SYNE2: variants seen among roughly 807,000 people sequenced by gnomAD.
SYNE2 encodes spectrin repeat containing nuclear envelope protein 2.
In SYNE2, 431 loss-of-function variants were observed where a neutral mutation model predicts 856.3. The ratio of observed to expected loss-of-function variants is 0.50; its 90% CI spans 0.47 to 0.55. The LOEUF (loss-of-function observed/expected upper bound fraction) is 0.55, where lower values mean the gene tolerates loss of function less well. Ranked by LOEUF, SYNE2 falls within the 20% of genes least tolerant of loss-of-function variation. The pLI is 0.00. For synonymous variants in SYNE2, 2,923 were observed against 2,872.3 expected (o/e 1.02, Z -0.56); for missense variants, 8,129 against 8,023.2 (o/e 1.01, Z -0.50).
At chr14:63,848,112 C>T (rs1890292741), upstream of SYNE2, 1 of 152,202 alleles carries the variant, frequency 6.6e-6, no homozygotes, top group Non-Finnish European at 1.5e-5. Flanking sequence ...GTCTCGAACT[C>T]CTCACCTCAG....
At chr14:64,149,311 CAGAA>C (rs1163372261) in intron 84 of SYNE2, among the ~76,000 whole-genome samples, 3 of 151,898 alleles carry the variant, frequency 2.0e-5, no homozygotes, top group South Asian at 2.1e-4. Flanking sequence ...AAAAACAAAA[CAGAA>C]AGAAAAAAAG....
intron 1 of SYNE2, among the ~76,000 whole-genome samples, chr14:63,779,363 C>T (rs1227411931): frequency 4.5e-5 from 5 of 110,296 alleles, no homozygotes; most frequent in Non-Finnish European, 1.0e-4. Context: ...TAAATAAAAT[C>T]AGTAATCTAA....
chr14:63,912,932 G>A (rs1444766246), intron 2 of SYNE2, among the ~76,000 whole-genome samples: 1 of 151,990 alleles, frequency 6.6e-6, no homozygotes, highest in Admixed American at 6.6e-5. Flanking sequence ...CAATTTGAGG[G>A]TACCCTCCCT....
rs1324941313 is a variant in SYNE2 at position 64,186,650 on chromosome 14, A to G, written c.17712+71A>G. ...AATGTCTCTGAAGGCCAGACAAAGT[A>G]GAAAGGAGCTTAATTTCATTGAACC... On this transcript the variant is annotated intron_variant, in intron 97 of 115. Transcript: ENST00000555002. The G allele has an allele frequency of 2.5e-6, 4 of 1,602,924 alleles. No homozygotes were observed. In the African/African-American group the frequency reaches 4.0e-5, roughly 16 times the overall value.
chr14:64,169,051 A>C (rs2098397670), intron 93 of SYNE2, 80 bp downstream of exon 93: 1 of 1,109,442 alleles, frequency 9.0e-7, no homozygotes, highest in South Asian at 1.3e-5. Flanking sequence ...CCACCATGTG[A>C]ACCTTGACCA....
At chr14:64,154,792 CAAA>C (rs34020154) in intron 85 of SYNE2, among the ~76,000 whole-genome samples, 15 of 91,070 alleles carry the variant, frequency 1.6e-4, no homozygotes, top group South Asian at 3.9e-4. Context: ...GACCCTGTCT[CAAA>C]AAAAAAAAAA....
intron 22 of SYNE2, 82 bp from the exon 23 acceptor site, chr14:63,994,962 C>A: frequency 1.1e-6 from 1 of 910,880 alleles, no homozygotes; most frequent in Non-Finnish European, 1.6e-6. Flanking sequence ...TTTGTCACTA[C>A]ACATATATTT....
In SYNE2 at chr14:64,208,789, C is replaced by G; in HGVS notation, c.18233C>G (p.Ala6078Gly). The stretch of plus-strand genomic sequence containing the variant: ...CAGCGAGATATTGAACAACACAGCG[C>G]AGGGGTGGAGTCCGTGTTTAACATC... ...DLQRDIEQHS[A>G]GVESVFNICD... Residue 6078 changes from alanine to glycine, a missense_variant, in exon 101 of 116, where the codon GCA becomes GGA. By Grantham distance (60) the Ala-to-Gly change is moderately conservative. This residue lies in a region of SYNE2 where 5,410 missense variants were observed against 5,284.8 expected (regional missense o/e 1.02). Coordinates refer to ENST00000555002, the MANE Select transcript of SYNE2 (RefSeq NM_182914.3). 1 of 1,614,230 alleles carries G rather than the reference C, an allele frequency of 6.2e-7. No homozygotes were observed. The highest frequency in any genetic ancestry group is 8.5e-7 in the Non-Finnish European group (1 of 1,180,046).
At chr14:64,209,854 T>TG (rs1446750932) in intron 102 of SYNE2, 88 bp from the exon 103 acceptor site, 10 of 1,574,490 alleles carry the variant, frequency 6.4e-6, no homozygotes, top group Non-Finnish European at 8.7e-6. Flanking sequence ...GATGAACCCC[T>TG]GGCAGCAGGT....
At chr14:63,797,121 A>G (rs1159317016) in intron 1 of SYNE2, among the ~76,000 whole-genome samples, 1 of 151,048 alleles carries the variant, frequency 6.6e-6, no homozygotes, top group Non-Finnish European at 1.5e-5. Flanking sequence ...AAAAAGGAAA[A>G]GAAATAGGCT....
At chr14:64,003,632 G>C (rs1243676158) in intron 30 of SYNE2, among the ~76,000 whole-genome samples, 1 of 152,168 alleles carries the variant, frequency 6.6e-6, no homozygotes, top group Non-Finnish European at 1.5e-5. Flanking sequence ...TTGTCCTTCT[G>C]TGTGTTTACT....
chr14:64,142,148 T>C, intron 82 of SYNE2, 60 bp downstream of exon 82: 1 of 1,592,616 alleles, frequency 6.3e-7, no homozygotes, highest in South Asian at 1.1e-5. Context: ...ATCAGAGGGG[T>C]AATGCTGGAC....
intron 1 of SYNE2, among the ~76,000 whole-genome samples, chr14:63,764,694 C>T (rs1434148657): frequency 6.6e-6 from 1 of 151,922 alleles, no homozygotes; most frequent in Non-Finnish European, 1.5e-5. Context: ...TTAAGCACTG[C>T]ATGCCTTAGG....
At chr14:63,947,263 A>G (rs1163368926) in intron 6 of SYNE2, among the ~76,000 whole-genome samples, 2 of 152,202 alleles carry the variant, frequency 1.3e-5, no homozygotes, top group Non-Finnish European at 2.9e-5. Context: ...CCATAGCTAC[A>G]TTGTACAAAA....
rs765223879 is a variant in SYNE2, at chr14:64,170,417, G to A, written c.17190G>A (p.Glu5730=). ...TGCTATCTGCAGTGAAGGGCCAGGA[G>A]CGCTTCAGCCTCTACCAAACCAGAA... ...SHLLSAVKGQ[E]RFSLYQTRSL... is the part of the protein sequence containing the mutation. The change falls in exon 94 of 116, where the codon GAG becomes GAA. Residue 5730 remains glutamate (E), a synonymous_variant. Transcript: ENST00000555002. The A allele has an allele frequency of 3.1e-6, 5 of 1,613,962 alleles. No homozygotes were observed. The African/African-American group carries it at 4.0e-5, about 13-fold the overall frequency.
intron 1 of SYNE2, among the ~76,000 whole-genome samples, chr14:63,778,500 TTTTA>T (rs1267032337): frequency 1.3e-5 from 2 of 152,102 alleles, no homozygotes; most frequent in African/African-American, 2.4e-5. Context: ...AATTTTATTA[TTTTA>T]TTTATTTATT....
intron 47 of SYNE2, among the ~76,000 whole-genome samples, chr14:64,051,125 T>G (rs1021601742): frequency 2.0e-5 from 3 of 152,192 alleles, no homozygotes; most frequent in Non-Finnish European, 4.4e-5. Context: ...GATTACAGCT[T>G]TTTAGTCAAT....
At chr14:63,816,328 T>G (rs1888993017) in intron 1 of SYNE2, among the ~76,000 whole-genome samples, 2 of 152,174 alleles carry the variant, frequency 1.3e-5, no homozygotes, top group South Asian at 4.1e-4. Flanking sequence ...GTCATTTAAG[T>G]GGACTGAACT....
At chr14:64,202,170 T>G (rs1251206929) in intron 99 of SYNE2, 1 of 702,076 alleles carries the variant, frequency 1.4e-6, no homozygotes, top group Non-Finnish European at 2.6e-6. Context: ...AGATTTCCTT[T>G]GCCCCCTCCC....
Sources: gnomAD v4.1 joint callset for allele counts (sites outside exome capture counted in the v4.1 genomes callset) on GRCh38, gnomAD v4.1.1 for gene constraint, gnomAD v4.1.1 regional missense constraint, MANE v1.5 for transcripts, NCBI Gene and HGNC (gene_info 2026-07-23, HGNC 2026-07-21) for gene names.